Variants in SYT10 observed in about 807,000 individuals in gnomAD.
SYT10 encodes the protein synaptotagmin-10.
A neutral mutation model predicts 51.1 loss-of-function variants in SYT10; 31 were observed. That is an observed-to-expected ratio of 0.61 (90% CI 0.46 to 0.82). SYT10 has a LOEUF of 0.82. Among genes scored for constraint, SYT10 ranks in the 40% least tolerant of loss-of-function variants. SYT10 has a pLI of 0.00. For missense variants in SYT10, 603 were observed against 634.0 expected (o/e 0.95, Z 0.53); for synonymous variants, 233 against 225.9 (o/e 1.03, Z -0.28).
intron 1 of SYT10, among the ~76,000 whole-genome samples, chr12:33,436,756 T>C (rs1434092987): frequency 6.6e-5 from 10 of 152,216 alleles, no homozygotes; most frequent in Admixed American, 6.5e-4. Flanking sequence ...ACTATCTCTA[T>C]GTGAAGGAAT....
At chr12:33,381,962 T>C (rs757413206) in intron 5 of SYT10, among the ~76,000 whole-genome samples, 1 of 152,184 alleles carries the variant, frequency 6.6e-6, no homozygotes. Context: ...ATGTAACATG[T>C]CCTCTCATGC....
At chr12:33,401,647 C>A (rs1866305399) in intron 3 of SYT10, among the ~76,000 whole-genome samples, 1 of 151,968 alleles carries the variant, frequency 6.6e-6, no homozygotes, top group Non-Finnish European at 1.5e-5. Flanking sequence ...GGCTGCCATA[C>A]CCTGAATATT....
intron 2 of SYT10, among the ~76,000 whole-genome samples, chr12:33,417,639 T>C (rs1866465966): frequency 6.6e-6 from 1 of 152,180 alleles, no homozygotes; most frequent in Non-Finnish European, 1.5e-5. Flanking sequence ...AAATGAGGAA[T>C]GTGGTCATGA....
intron 5 of SYT10, among the ~76,000 whole-genome samples, chr12:33,381,781 G>A (rs1442960769): frequency 2.0e-5 from 3 of 152,286 alleles, no homozygotes; most frequent in Middle Eastern, 3.4e-3. Flanking sequence ...GTGACTCAAA[G>A]AGTGTGATCT....
intron 2 of SYT10, among the ~76,000 whole-genome samples, chr12:33,413,856 G>A (rs999689321): frequency 7.9e-5 from 12 of 152,110 alleles, no homozygotes; most frequent in Admixed American, 3.3e-4. Context: ...ATGTAAATGG[G>A]CTAAATGCTC....
chr12:33,413,088 T>G (rs2138421003), intron 2 of SYT10, among the ~76,000 whole-genome samples: 1 of 152,182 alleles, frequency 6.6e-6, no homozygotes, highest in Non-Finnish European at 1.5e-5. Flanking sequence ...TATCAGTGAC[T>G]GAAGATCAAA....
chr12:33,377,046 G>T (rs1866069022), intron 6 of SYT10, 145 bp from the exon 7 acceptor site: 1 of 806,264 alleles, frequency 1.2e-6, no homozygotes, highest in Non-Finnish European at 2.0e-6. Context: ...TTGCCCTTCA[G>T]AACTTACCTT....
intron 3 of SYT10, among the ~76,000 whole-genome samples, chr12:33,394,526 C>T (rs1012276736): frequency 6.6e-6 from 1 of 152,188 alleles, no homozygotes; most frequent in Non-Finnish European, 1.5e-5. Context: ...GTGCAACATG[C>T]TAGCATGTCA....
At chr12:33,415,093 G>A (rs1346758611) in intron 2 of SYT10, among the ~76,000 whole-genome samples, 1 of 152,152 alleles carries the variant, frequency 6.6e-6, no homozygotes, top group Non-Finnish European at 1.5e-5. Flanking sequence ...GAGATGACAT[G>A]GAAAAAGTGT....
Position 33,439,805 on chromosome 12 carries a change from G to A in SYT10, c.-283C>T. ...CGAGCCGAGGCGCGCTGGAACTAGA[G>A]ACCCGGCATGGAGTGCTGAGGGGAG... On this transcript the variant is annotated 5_prime_UTR_variant, in exon 1 of 7. Transcript: ENST00000228567. 1 of 448,770 alleles carries A rather than the reference G, an allele frequency of 2.2e-6. No homozygotes were observed. The highest frequency in any genetic ancestry group is 4.0e-6 in the Non-Finnish European group (1 of 250,298). The allele number at this position is 448,770 out of a possible 1,614,324, so 27.8% of individuals were successfully genotyped here.
chr12:33,438,658 G>T (rs1395983941), intron 1 of SYT10, among the ~76,000 whole-genome samples: 1 of 152,184 alleles, frequency 6.6e-6, no homozygotes, highest in Non-Finnish European at 1.5e-5. Context: ...CTGAGAGCGT[G>T]CGTGTGCTAG....
intron 3 of SYT10, chr12:33,405,263 G>T (rs975642946): frequency 3.3e-5 from 5 of 152,054 alleles, no homozygotes; most frequent in Non-Finnish European, 7.4e-5. Flanking sequence ...ATTGCCATCT[G>T]CATTTGTAGA....
chr12:33,380,067 G>A (rs926032738), intron 5 of SYT10, 106 bp from the exon 6 acceptor site: 144 of 1,283,558 alleles, frequency 1.1e-4, no homozygotes, highest in Admixed American at 2.5e-5. Flanking sequence ...ATTAGATTCT[G>A]TAATTTTGCA....
At chr12:33,393,013 A>AAAAAAAAT (rs1446895607) in intron 3 of SYT10, among the ~76,000 whole-genome samples, 3 of 146,212 alleles carry the variant, frequency 2.1e-5, no homozygotes, top group Non-Finnish European at 4.5e-5. Context: ...AAAAAAAAAA[A>AAAAAAAAT]ATTGCAAAAA....
In SYT10 at chr12:33,404,422, G is replaced by T. The variant is rs140368710; in HGVS notation, c.1077+2367C>A. On this transcript the variant is annotated intron_variant, in intron 3 of 6. Coordinates refer to ENST00000228567, the MANE Select transcript of SYT10 (RefSeq NM_198992.4). ...TTATTTTTTTTTGAGATGGAGTCTC[G>T]CTCTGTTGCCCAGGCTGGAGTGCAG... is the stretch of plus-strand genomic sequence containing the variant. Among the ~76,000 whole-genome samples the T allele has an allele frequency of 4.6e-5, 7 of 151,932 alleles. No individual in the cohort carries two copies. The East Asian group carries it at 1.2e-3, about 25-fold the overall frequency.
intron 2 of SYT10, among the ~76,000 whole-genome samples, chr12:33,409,732 G>A (rs1866390094): frequency 6.6e-6 from 1 of 152,100 alleles, no homozygotes; most frequent in South Asian, 2.1e-4. Flanking sequence ...AGCCAGGATG[G>A]TCTCGATCTC....
chr12:33,404,398 TA>T (rs1368269816), intron 3 of SYT10, among the ~76,000 whole-genome samples: 2 of 152,170 alleles, frequency 1.3e-5, no homozygotes, highest in Non-Finnish European at 2.9e-5. Context: ...TTTTTATTTT[TA>T]TTTTTTTTTG....
intron 4 of SYT10, among the ~76,000 whole-genome samples, chr12:33,383,828 A>C (rs1414004864): frequency 6.6e-6 from 1 of 152,180 alleles, no homozygotes; most frequent in East Asian, 1.9e-4. Context: ...CTCCGATGAA[A>C]AGTTTCATAT....
At chr12:33,433,193 CA>C in intron 1 of SYT10, among the ~76,000 whole-genome samples, 1 of 152,242 alleles carries the variant, frequency 6.6e-6, no homozygotes, top group Non-Finnish European at 1.5e-5. Context: ...GCCAGTTAGA[CA>C]AAAGACCTAT....
Sources: gnomAD v4.1 joint callset for allele counts (sites outside exome capture counted in the v4.1 genomes callset) on GRCh38, gnomAD v4.1.1 for gene constraint, MANE v1.5 for transcripts, NCBI Gene and HGNC (gene_info 2026-07-23, HGNC 2026-07-21) for gene names.